Variants in SLC25A4 observed in about 807,000 individuals in gnomAD.
SLC25A4 encodes ADP/ATP translocase 1.
Under a neutral mutation model 24.7 loss-of-function variants are expected in SLC25A4, and 10 were observed. The observed-to-expected ratio is 0.41, with a 90% CI of 0.25 to 0.69. SLC25A4 has a LOEUF of 0.69. SLC25A4 is among the 30% of genes least tolerant of loss of function. SLC25A4 has a pLI of 0.35. For synonymous variants in SLC25A4, 125 were observed against 153.3 expected, an observed-to-expected ratio of 0.82 and a Z score of 1.36; for missense variants, 273 against 387.6, an observed-to-expected ratio of 0.70 and a Z score of 2.48.
chr4:185,149,387 T>C lies in SLC25A4; in HGVS notation c.*2416T>C, dbSNP rs148726748. Reference sequence around the variant, plus strand: ...GGAAGAGGCATGGACATTTATTACATAGTGCACATTATCTACATTCTCTGC... The same window carrying C: ...GGAAGAGGCATGGACATTTATTACACAGTGCACATTATCTACATTCTCTGC... On this transcript the variant is annotated 3_prime_UTR_variant, in exon 4 of 4. Transcript: ENST00000281456. 1 of 152,356 alleles carries C rather than the reference T, an allele frequency of 6.6e-6. No homozygotes were observed. The highest frequency in any genetic ancestry group is 1.5e-5 in the Non-Finnish European group (1 of 68,068). 9.4% of individuals were successfully genotyped at this position (152,356 alleles called of 1,614,324 possible).
At position 185,145,221 on chromosome 4, in the gene SLC25A4, C is replaced by T. The variant is rs766991064; in HGVS notation, c.569C>T (p.Ala190Val). The T allele has an allele frequency of 1.2e-6, 2 of 1,614,074 alleles. No homozygotes were observed. The highest frequency in any genetic ancestry group is 2.2e-5 in the South Asian group (2 of 91,080). ...CAAGGCATCATTATCTATAGAGCTG[C>T]CTACTTCGGAGTCTATGATACTGCC... Reference protein sequence around the residue: ...SVQGIIIYRAAYFGVYDTAKG... With the variant: ...SVQGIIIYRAVYFGVYDTAKG... The change falls in exon 2 of 4, where the codon GCC (alanine) becomes GTC (valine). Residue 190 changes from alanine to valine, a missense_variant. Ala to Val is a moderately conservative substitution (Grantham distance 64, BLOSUM62 0). Transcript: ENST00000281456. This position sits in a 1 kb window ranked among gnomAD's most constrained non-coding sequence, Gnocchi z 5.5.
rs756575957 is a variant in SLC25A4 at position 185,145,397 on chromosome 4, A to G, written c.598+147A>G. 52 of 1,210,530 alleles carry G rather than the reference A, an allele frequency of 4.3e-5. No individual in the cohort carries two copies. The Admixed American group carries it at 7.8e-4, about 18-fold the overall frequency. 75.0% of individuals were successfully genotyped at this position (1,210,530 alleles called of 1,614,324 possible). Reference sequence around the variant, plus strand: ...GCTTCTGAATGAGGAGGTGATGTGCATAAGTTAATAGCTGAAGCGTTCCTT... The same window carrying G: ...GCTTCTGAATGAGGAGGTGATGTGCGTAAGTTAATAGCTGAAGCGTTCCTT... On this transcript the variant is annotated intron_variant, in intron 2 of 3. Transcript: ENST00000281456. The surrounding 1 kb of genome is among the most constrained non-coding windows in gnomAD (Gnocchi z 5.5).
In SLC25A4 at chr4:185,148,766, G is replaced by A. The variant is rs1734488475; in HGVS notation, c.*1795G>A. 1 of 152,184 alleles carries A rather than the reference G, an allele frequency of 6.6e-6. No homozygotes were observed. The highest frequency in any genetic ancestry group is 6.5e-5 in the Admixed American group (1 of 15,276). 9.4% of individuals were successfully genotyped at this position (152,184 alleles called of 1,614,324 possible). On this transcript the variant is annotated 3_prime_UTR_variant, in exon 4 of 4. Coordinates refer to ENST00000281456, the MANE Select transcript of SLC25A4 (RefSeq NM_001151.4). The stretch of plus-strand genomic sequence containing the variant: ...GACCAAGCAGTTGCTATAGTCTCCT[G>A]GATTGTGACTAATCTGGAGGAAGCA...
rs1579210153 is a variant in SLC25A4, at chr4:185,145,699, C to A, written c.599-60C>A. On this transcript the variant is annotated intron_variant, in intron 2 of 3. Transcript: ENST00000281456. The surrounding 1 kb of genome is among the most constrained non-coding windows in gnomAD (Gnocchi z 5.5). The stretch of plus-strand genomic sequence containing the variant: ...AGGTGCAGTGGCCTCTCTCCCTCCA[C>A]CTGCTTTCTGCTGAGAACAGGCACT... The A allele has an allele frequency of 6.2e-7, 1 of 1,605,382 alleles. No individual in the cohort carries two copies. Among genetic ancestry groups the A allele is most frequent in the African/African-American group, 1.3e-5 (1 of 74,772 alleles).
chr4:185,148,103 G>C lies in SLC25A4; in HGVS notation c.*1132G>C, dbSNP rs1279729760. On this transcript the variant is annotated 3_prime_UTR_variant, in exon 4 of 4. Transcript: ENST00000281456. The stretch of plus-strand genomic sequence containing the variant: ...TCAGTTCTGTAGTCTGGAGGTCCAA[G>C]ATCAAGGTGACACTGTGGTCAGGTT... 1 of 152,250 alleles carries C rather than the reference G, an allele frequency of 6.6e-6. No individual in the cohort carries two copies. The highest frequency in any genetic ancestry group is 1.5e-5 in the Non-Finnish European group (1 of 68,052). The allele number at this position is 152,250 out of a possible 1,614,324, so 9.4% of individuals were successfully genotyped here. A position where few individuals can be genotyped will look rare whatever the true frequency, so the allele number is the denominator to read the frequency against.
chr4:185,145,020 C>A lies in SLC25A4; in HGVS notation c.368C>A (p.Ala123Asp), dbSNP rs121912683. The A allele has an allele frequency of 2.5e-6, 4 of 1,614,082 alleles. No individual in the cohort carries two copies. Among genetic ancestry groups the A allele is most frequent in the Non-Finnish European group, 3.4e-6 (4 of 1,180,050 alleles). Residue 123 changes from alanine (A) to aspartate (D), a missense_variant, in exon 2 of 4, where the codon GCT becomes GAT. Coordinates refer to ENST00000281456, the MANE Select transcript of SLC25A4 (RefSeq NM_001151.4). This position sits in a 1 kb window ranked among gnomAD's most constrained non-coding sequence, Gnocchi z 5.5. ...GGTAACCTGGCGTCCGGTGGGGCCG[C>A]TGGGGCCACCTCCCTTTGCTTTGTC... ...FAGNLASGGA[A>D]GATSLCFVYP...
chr4:185,150,299 T>C lies in SLC25A4; in HGVS notation c.*3328T>C, dbSNP rs1322469853. On this transcript the variant is annotated 3_prime_UTR_variant, in exon 4 of 4. Transcript: ENST00000281456. ...CCATGGGGGTGGCTGGACAGGCTTG[T>C]TGGAGTCGTATAATGCAATGAATAA... 2.0e-5 allele frequency: 3 copies of C among 152,258 alleles called. No individual in the cohort carries two copies. Among genetic ancestry groups the C allele is most frequent in the Admixed American group, 6.5e-5 (1 of 15,284 alleles). 9.4% of individuals were successfully genotyped at this position (152,258 alleles called of 1,614,324 possible).
At chr4:185,143,586 C>A (rs1336289253) in intron 1 of SLC25A4, 103 bp downstream of exon 1, 1 of 263,902 alleles carries the variant, frequency 3.8e-6, no homozygotes, top group African/African-American at 2.3e-5. Context: ...GGAAAATCTG[C>A]GCCAGGCCAC....
intron 3 of SLC25A4, among the ~76,000 whole-genome samples, chr4:185,146,591 G>T (rs1734446442): frequency 6.6e-6 from 1 of 152,152 alleles, no homozygotes; most frequent in African/African-American, 2.4e-5. Context: ...AATTGCCCCA[G>T]TTCTTCACTG....
rs779188276 is a variant in SLC25A4 at position 185,145,009 on chromosome 4, C to T, written c.357C>T (p.Ser119=). The T allele has an allele frequency of 1.9e-6, 3 of 1,614,170 alleles. No individual in the cohort carries two copies. The highest frequency in any genetic ancestry group is 1.1e-5 in the South Asian group (1 of 91,082). Residue 119 remains serine, a synonymous_variant, in exon 2 of 4, where the codon TCC becomes TCT. Transcript: ENST00000281456. The surrounding 1 kb of genome is among the most constrained non-coding windows in gnomAD (Gnocchi z 5.5). ...FWRYFAGNLA[S]GGAAGATSLC... ...GCTACTTTGCTGGTAACCTGGCGTCCGGTGGGGCCGCTGGGGCCACCTCCC... is the reference window on the plus strand; with the variant it reads ...GCTACTTTGCTGGTAACCTGGCGTCTGGTGGGGCCGCTGGGGCCACCTCCC...
rs560967545 is a variant in SLC25A4 at position 185,143,445 on chromosome 4, G to A, written c.73G>A (p.Ala25Thr). The change falls in exon 1 of 4, where the codon GCG (alanine) becomes ACG (threonine). Residue 25 changes from alanine to threonine, a missense_variant. Physicochemically the swap from Ala to Thr is moderately conservative, Grantham distance 58. Coordinates refer to ENST00000281456, the MANE Select transcript of SLC25A4 (RefSeq NM_001151.4). ...CGTCGCCGCTGCCGTCTCCAAGACCGCGGTCGCCCCCATCGAGAGGGTCAA... is the reference window on the plus strand; with the variant it reads ...CGTCGCCGCTGCCGTCTCCAAGACCACGGTCGCCCCCATCGAGAGGGTCAA... ...GGVAAAVSKT[A>T]VAPIERVKLL... 6.0e-6 allele frequency: 9 copies of A among 1,510,786 alleles called. No individual in the cohort carries two copies. The East Asian group carries it at 2.4e-4, about 41-fold the overall frequency. The allele number at this position is 1,510,786 out of a possible 1,614,324, so 93.6% of individuals were successfully genotyped here.
rs764315698 is a variant in SLC25A4 at position 185,145,777 on chromosome 4, A to G, written c.617A>G (p.Lys206Arg). 1.2e-6 allele frequency: 2 copies of G among 1,614,246 alleles called. No individual in the cohort carries two copies. The highest frequency in any genetic ancestry group is 1.7e-6 in the Non-Finnish European group (2 of 1,180,034). ...TCCACAGGGATGCTGCCTGACCCCA[A>G]GAACGTGCACATTTTTGTGAGCTGG... ...DTAKGMLPDP[K>R]NVHIFVSWMI... is the part of the protein sequence containing the mutation. Residue 206 changes from lysine (K) to arginine (R), a missense_variant, in exon 3 of 4, where the codon AAG becomes AGG. By Grantham distance (26) the Lys-to-Arg change is conservative. Coordinates refer to ENST00000281456, the MANE Select transcript of SLC25A4 (RefSeq NM_001151.4). This position sits in a 1 kb window ranked among gnomAD's most constrained non-coding sequence, Gnocchi z 5.5.
Position 185,150,090 on chromosome 4 carries a change from G to A in SLC25A4, c.*3119G>A, listed in dbSNP as rs376762770. 1.3e-5 allele frequency: 2 copies of A among 152,394 alleles called. No homozygotes were observed. The highest frequency in any genetic ancestry group is 6.5e-5 in the Admixed American group (1 of 15,312). The allele number at this position is 152,394 out of a possible 1,614,324, so 9.4% of individuals were successfully genotyped here. On this transcript the variant is annotated 3_prime_UTR_variant, in exon 4 of 4. Transcript: ENST00000281456. ...GTGCAAGGCTGCAAGAGAATCGAGC[G>A]CCGCAAGGCGAGCTTATCTTCCACA...
rs375325238 is a variant in SLC25A4 at position 185,147,401 on chromosome 4, A to G, written c.*430A>G. 4.9e-6 allele frequency: 1 copy of G among 205,152 alleles called. No homozygotes were observed. The highest frequency in any genetic ancestry group is 9.9e-6 in the Non-Finnish European group (1 of 100,846). The allele number at this position is 205,152 out of a possible 1,614,324, so 12.7% of individuals were successfully genotyped here. On this transcript the variant is annotated 3_prime_UTR_variant, in exon 4 of 4. Coordinates refer to ENST00000281456, the MANE Select transcript of SLC25A4 (RefSeq NM_001151.4). Reference sequence around the variant, plus strand: ...TCTAAATGCCAGATATTATATTGAGAATGTATTATATGAGAACGTACAATG... The same window carrying G: ...TCTAAATGCCAGATATTATATTGAGGATGTATTATATGAGAACGTACAATG...
rs950051117 is a variant in SLC25A4 at position 185,148,152 on chromosome 4, T to C, written c.*1181T>C. 7 of 152,126 alleles carry C rather than the reference T, an allele frequency of 4.6e-5. No individual in the cohort carries two copies. The highest frequency in any genetic ancestry group is 4.6e-4 in the Admixed American group (7 of 15,256). 9.4% of individuals were successfully genotyped at this position (152,126 alleles called of 1,614,324 possible). ...TTCTGATGAGGGCCCTCTTCTGGGTTATAAACTACGGACTTCTTGTATCCT... is the reference window on the plus strand; with the variant it reads ...TTCTGATGAGGGCCCTCTTCTGGGTCATAAACTACGGACTTCTTGTATCCT... On this transcript the variant is annotated 3_prime_UTR_variant, in exon 4 of 4. Transcript: ENST00000281456.
In SLC25A4 at chr4:185,145,368, T is replaced by C. The variant is rs943894635; in HGVS notation, c.598+118T>C. 1 of 1,488,938 alleles carries C rather than the reference T, an allele frequency of 6.7e-7. No individual in the cohort carries two copies. Among genetic ancestry groups the C allele is most frequent in the Non-Finnish European group, 9.2e-7 (1 of 1,088,106 alleles). 92.2% of individuals were successfully genotyped at this position (1,488,938 alleles called of 1,614,324 possible). A position where few individuals can be genotyped will look rare whatever the true frequency, so the allele number is the denominator to read the frequency against. On this transcript the variant is annotated intron_variant, in intron 2 of 3. Coordinates refer to ENST00000281456, the MANE Select transcript of SLC25A4 (RefSeq NM_001151.4). This position sits in a 1 kb window ranked among gnomAD's most constrained non-coding sequence, Gnocchi z 5.5. The stretch of plus-strand genomic sequence containing the variant: ...TGTTTTTTCTAGTCTCTGGGATAAT[T>C]GAGGCTTCTGAATGAGGAGGTGATG...
chr4:185,146,789 C>T (rs1734449275), intron 3 of SLC25A4, 25 bp from the exon 4 acceptor site: 1 of 1,613,910 alleles, frequency 6.2e-7, no homozygotes, highest in African/African-American at 1.3e-5. Flanking sequence ...CGTTACGGAG[C>T]CCTCACCAGC....
At chr4:185,143,587 G>A (rs1055186385) in intron 1 of SLC25A4, 104 bp downstream of exon 1, 2 of 264,592 alleles carry the variant, frequency 7.6e-6, no homozygotes, top group Non-Finnish European at 1.2e-5. Context: ...GAAAATCTGC[G>A]CCAGGCCACA....
Position 185,145,283 on chromosome 4 carries a change from G to A in SLC25A4, c.598+33G>A. 1 of 1,613,298 alleles carries A rather than the reference G, an allele frequency of 6.2e-7. No homozygotes were observed. Among genetic ancestry groups the A allele is most frequent in the Non-Finnish European group, 8.5e-7 (1 of 1,180,030 alleles). On this transcript the variant is annotated intron_variant, in intron 2 of 3. Coordinates refer to ENST00000281456, the MANE Select transcript of SLC25A4 (RefSeq NM_001151.4). This position sits in a 1 kb window ranked among gnomAD's most constrained non-coding sequence, Gnocchi z 5.5. ...AGGGGCATCGGGGAGAAGGAGGGTGGTGTGGAAAGAGGATCCTATGGGATC... is the reference window on the plus strand; with the variant it reads ...AGGGGCATCGGGGAGAAGGAGGGTGATGTGGAAAGAGGATCCTATGGGATC...
Sources: allele counts gnomAD v4.1 joint callset (sites outside exome capture counted in the v4.1 genomes callset), GRCh38; gene constraint gnomAD v4.1.1; non-coding constraint Gnocchi (gnomAD v3.1); transcripts MANE v1.5; gene names NCBI Gene and HGNC (gene_info 2026-07-23, HGNC 2026-07-21).